C2: variants seen among roughly 807,000 people sequenced by gnomAD.
The protein encoded by C2 is complement C2.
In C2, 64 loss-of-function variants were observed where a neutral mutation model predicts 85.2. The ratio of observed to expected loss-of-function variants is 0.75; its 90% CI spans 0.61 to 0.92. The LOEUF (loss-of-function observed/expected upper bound fraction) is 0.92, where lower values mean the gene tolerates loss of function less well. C2 is among the 40% of genes least tolerant of loss of function. The pLI is 0.00. For missense variants in C2, 820 were observed against 971.6 expected, an observed-to-expected ratio of 0.84 and a Z score of 2.07; for synonymous variants, 311 against 370.8, an observed-to-expected ratio of 0.84 and a Z score of 1.85.
At chr6:31,928,555 G>A (rs1431697844) in intron 2 of C2, among the ~76,000 whole-genome samples, 177 bp from the exon 3 acceptor site, 2 of 152,108 alleles carry the variant, frequency 1.3e-5, no homozygotes, top group African/African-American at 4.8e-5. Flanking sequence ...TGTGAAATTG[G>A]CAATATTCAA....
intron 9 of C2, among the ~76,000 whole-genome samples, chr6:31,940,821 C>T (rs890337405): frequency 5.9e-5 from 9 of 152,256 alleles, no homozygotes; most frequent in Non-Finnish European, 1.3e-4. Context: ...CTAGCTCCAA[C>T]TGTAACTGTT....
chr6:31,899,233 CTTTTCT>C (rs1304769206), upstream of C2, among the ~76,000 whole-genome samples: 1 of 151,140 alleles, frequency 6.6e-6, no homozygotes, highest in African/African-American at 2.4e-5. Flanking sequence ...TGTGTTCTTT[CTTTTCT>C]AAGTGCCCTA....
chr6:31,901,513 G>C (rs1052182770), intron 1 of C2, among the ~76,000 whole-genome samples: 1 of 151,986 alleles, frequency 6.6e-6, no homozygotes, highest in African/African-American at 2.4e-5. Flanking sequence ...TGGTTCTCGG[G>C]GGCGGGGCAG....
At chr6:31,915,540 G>A (rs140636558), upstream of C2, among the ~76,000 whole-genome samples, 180 of 152,304 alleles carry the variant, frequency 1.2e-3, no homozygotes, top group South Asian at 2.9e-3. Context: ...TCATGCTGCA[G>A]TAACAAACAA....
In C2 at chr6:31,943,595, G is replaced by C; in HGVS notation, c.1568-49G>C. On this transcript the variant is annotated intron_variant, in intron 12 of 17. Coordinates refer to ENST00000299367, the MANE Select transcript of C2 (RefSeq NM_000063.6). The surrounding 1 kb of genome is among the most constrained non-coding windows in gnomAD (Gnocchi z 6.4). ...GATCCTACCACCTCACCCAGCCTCT[G>C]GCCCCTGCAGGAGCCCTGGTCTAGC... 1 of 1,610,444 alleles carries C rather than the reference G, an allele frequency of 6.2e-7. No homozygotes were observed. The highest frequency in any genetic ancestry group is 8.5e-7 in the Non-Finnish European group (1 of 1,177,704).
At chr6:31,936,127 A>G in intron 7 of C2, 66 bp downstream of exon 7, 1 of 1,566,984 alleles carries the variant, frequency 6.4e-7, no homozygotes, top group Non-Finnish European at 8.7e-7. Flanking sequence ...GCCTGCAAAC[A>G]AATTCTGGAT....
upstream of C2, chr6:31,900,314 T>G (rs1767103746): frequency 5.6e-6 from 9 of 1,611,806 alleles, no homozygotes; most frequent in Non-Finnish European, 7.6e-6. The surrounding 1 kb of genome is among the most constrained non-coding windows in gnomAD (Gnocchi z 9.7). Context: ...CTTGATGTTC[T>G]TTAAGGGGTT....
In C2 at chr6:31,942,975, G is replaced by A; in HGVS notation, c.1236G>A (p.Gly412=). 3.1e-6 allele frequency: 5 copies of A among 1,613,098 alleles called. No homozygotes were observed. The highest frequency in any genetic ancestry group is 3.4e-6 in the Non-Finnish European group (4 of 1,180,040). The change falls in exon 10 of 18, where the codon GGG becomes GGA. Residue 412 remains glycine, a synonymous_variant. Coordinates refer to ENST00000299367, the MANE Select transcript of C2 (RefSeq NM_000063.6). ...RNDYLDIYAI[G]VGKLDVDWRE... ...CCCCACCAGACATCTATGCCATCGG[G>A]GTGGGCAAGCTGGATGTGGACTGGA...
chr6:31,937,398 C>A lies in C2; in HGVS notation c.1068C>A (p.Leu356=). Residue 356 remains leucine, a synonymous_variant, in exon 8 of 18, where the codon CTC becomes CTA. Coordinates refer to ENST00000299367, the MANE Select transcript of C2 (RefSeq NM_000063.6). Reference sequence around the variant, plus strand: ...TCATGATGAACAACCAAATGCGACTCCTCGGCATGGAAACGATGGCCTGGC... The same window carrying A: ...TCATGATGAACAACCAAATGCGACTACTCGGCATGGAAACGATGGCCTGGC... ...VYLMMNNQMR[L]LGMETMAWQE... 5.0e-6 allele frequency: 8 copies of A among 1,612,726 alleles called. No homozygotes were observed. The highest frequency in any genetic ancestry group is 6.8e-6 in the Non-Finnish European group (8 of 1,179,970).
At chr6:31,930,900 A>G (rs913594621) in intron 3 of C2, among the ~76,000 whole-genome samples, 2 of 152,350 alleles carry the variant, frequency 1.3e-5, no homozygotes, top group African/African-American at 2.4e-5. Flanking sequence ...ATTCAGCTCA[A>G]TGATTTGTTA....
Position 31,945,269 on chromosome 6 carries a change from C to T in C2, c.2171C>T (p.Pro724Leu), listed in dbSNP as rs145050210. Residue 724 changes from proline to leucine, a missense_variant, in exon 18 of 18, where the codon CCG becomes CTG. Coordinates refer to ENST00000299367, the MANE Select transcript of C2 (RefSeq NM_000063.6). The surrounding 1 kb of genome is among the most constrained non-coding windows in gnomAD (Gnocchi z 5.3). ...AGGGCCCCTCGTAGCAAGGTCCCGC[C>T]GCCACGAGACTTTCACATCAATCTC... ...RKRAPRSKVP[P>L]PRDFHINLFR... The T allele has an allele frequency of 1.4e-4, 223 of 1,612,916 alleles. No homozygotes were observed. The African/African-American group carries it at 2.4e-3, about 17-fold the overall frequency.
chr6:31,940,799 C>T (rs1403461978), intron 9 of C2, among the ~76,000 whole-genome samples: 1 of 152,224 alleles, frequency 6.6e-6, no homozygotes, highest in Non-Finnish European at 1.5e-5. Flanking sequence ...ACGCACAAGG[C>T]ACGATCGTTG....
intron 8 of C2, 113 bp downstream of exon 8, chr6:31,937,572 G>C (rs1770536175): frequency 2.2e-6 from 3 of 1,394,274 alleles, no homozygotes; most frequent in South Asian, 1.2e-5. Flanking sequence ...CCCCAGTTTT[G>C]TTTTTGTTTT....
upstream of C2, among the ~76,000 whole-genome samples, chr6:31,923,203 A>G (rs548850298): frequency 6.6e-5 from 10 of 152,346 alleles, no homozygotes; most frequent in East Asian, 1.7e-3. Flanking sequence ...TTAGCCCCAC[A>G]GGTCAGGTCA....
intron 3 of C2, among the ~76,000 whole-genome samples, chr6:31,930,670 G>A (rs1386942827): frequency 1.3e-5 from 2 of 152,118 alleles, no homozygotes; most frequent in Non-Finnish European, 1.5e-5. Context: ...CAGAAGACAC[G>A]GAGTCCACAA....
rs751852076 is a variant in C2, at chr6:31,943,500, G to A, written c.1540G>A (p.Asp514Asn). ...AGCTCATTGCTTCCGCGATGGCAAC[G>A]ACCACTCCCTGTGGAGGGTCAATGT... ...TAAHCFRDGNDHSLWRVNVGD... is the reference protein window; with the variant it reads ...TAAHCFRDGNNHSLWRVNVGD... Residue 514 changes from aspartate (D) to asparagine (N), a missense_variant, in exon 12 of 18, where the codon GAC (aspartate) becomes AAC (asparagine). Asp to Asn is a conservative substitution (Grantham distance 23). Transcript: ENST00000299367. This position sits in a 1 kb window ranked among gnomAD's most constrained non-coding sequence, Gnocchi z 6.4. The A allele has an allele frequency of 6.5e-5, 105 of 1,612,888 alleles. No homozygotes were observed. The highest frequency in any genetic ancestry group is 8.1e-5 in the Non-Finnish European group (95 of 1,180,028).
At chr6:31,927,540 TCAGGGAGA>T (rs1282257200), upstream of C2, 13 of 1,476,656 alleles carry the variant, frequency 8.8e-6, no homozygotes, top group South Asian at 1.4e-5. The surrounding 1 kb of genome is among the most constrained non-coding windows in gnomAD (Gnocchi z 4.7). Context: ...TATATTAGCA[TCAGGGAGA>T]CAGGGCAAAG....
At chr6:31,913,808 T>C (rs1016130293) in intron 1 of C2, among the ~76,000 whole-genome samples, 3 of 151,560 alleles carry the variant, frequency 2.0e-5, no homozygotes, top group Non-Finnish European at 4.4e-5. Flanking sequence ...CCCGGCTAAT[T>C]TTTGTATTTT....
intron 1 of C2, chr6:31,901,280 C>G: frequency 6.2e-7 from 1 of 1,612,036 alleles, no homozygotes; most frequent in Non-Finnish European, 8.5e-7. Flanking sequence ...CAGCTGGAAG[C>G]GCAGGACTTC....
Sources: gnomAD v4.1 joint callset for allele counts (sites outside exome capture counted in the v4.1 genomes callset) on GRCh38, gnomAD v4.1.1 for gene constraint, Gnocchi (gnomAD v3.1) non-coding constraint, MANE v1.5 for transcripts, NCBI Gene and HGNC (gene_info 2026-07-23, HGNC 2026-07-21) for gene names.